Variants in DOK6 observed in about 807,000 individuals in gnomAD.
DOK6 encodes downstream of tyrosine kinase 6.
Under a neutral mutation model 44.0 loss-of-function variants are expected in DOK6, and 22 were observed. The ratio of observed to expected loss-of-function variants is 0.50; its 90% CI spans 0.36 to 0.71. The LOEUF (loss-of-function observed/expected upper bound fraction) is 0.71, where lower values mean the gene tolerates loss of function less well. Among genes scored for constraint, DOK6 ranks in the 30% least tolerant of loss-of-function variants. The pLI is 0.00. For synonymous variants in DOK6, 166 were observed against 145.5 expected (o/e 1.14, Z -1.01); for missense variants, 340 against 416.4 (o/e 0.82, Z 1.60).
At chr18:69,498,129 A>C (rs575873925) in intron 1 of DOK6, among the ~76,000 whole-genome samples, 2 of 152,320 alleles carry the variant, frequency 1.3e-5, no homozygotes, top group East Asian at 3.9e-4. Context: ...TAATCTTACT[A>C]TGTGCATAGG....
chr18:69,724,577 T>C (rs1978296917), intron 5 of DOK6, among the ~76,000 whole-genome samples: 1 of 152,236 alleles, frequency 6.6e-6, no homozygotes, highest in Non-Finnish European at 1.5e-5. Flanking sequence ...ACTTTCCTTA[T>C]GACATTTTTA....
At chr18:69,731,543 A>C (rs1413732974) in intron 5 of DOK6, among the ~76,000 whole-genome samples, 1 of 152,218 alleles carries the variant, frequency 6.6e-6, no homozygotes, top group Non-Finnish European at 1.5e-5. Context: ...TGGTCAGTTG[A>C]AATGCTGAAA....
intron 3 of DOK6, among the ~76,000 whole-genome samples, chr18:69,672,649 C>T (rs1985829837): frequency 1.4e-5 from 2 of 142,390 alleles, no homozygotes; most frequent in Admixed American, 7.6e-5. Flanking sequence ...TGAGCCACTG[C>T]GCCCGGCAGT....
intron 1 of DOK6, among the ~76,000 whole-genome samples, chr18:69,495,107 A>C (rs777352911): frequency 6.6e-6 from 1 of 152,200 alleles, no homozygotes; most frequent in Non-Finnish European, 1.5e-5. Context: ...TGCTCTCTGC[A>C]AGGCTGTGGC....
chr18:69,621,259 C>G (rs1335825100), intron 3 of DOK6, among the ~76,000 whole-genome samples: 1 of 152,060 alleles, frequency 6.6e-6, no homozygotes, highest in African/African-American at 2.4e-5. Flanking sequence ...TAAGGCTTTG[C>G]CTTGATATTT....
chr18:69,549,069 C>G (rs1278506284), intron 1 of DOK6, among the ~76,000 whole-genome samples: 1 of 144,720 alleles, frequency 6.9e-6, no homozygotes, highest in African/African-American at 2.5e-5. Flanking sequence ...GCACATCAGC[C>G]TGGGTGAAAG....
At chr18:69,729,802 C>T (rs956054412) in intron 5 of DOK6, among the ~76,000 whole-genome samples, 1 of 151,968 alleles carries the variant, frequency 6.6e-6, no homozygotes, top group African/African-American at 2.4e-5. Flanking sequence ...AGGAAGCAAA[C>T]AAATCAGATA....
At chr18:69,563,926 A>C (rs1181197177) in intron 1 of DOK6, among the ~76,000 whole-genome samples, 1 of 152,200 alleles carries the variant, frequency 6.6e-6, no homozygotes, top group Non-Finnish European at 1.5e-5. Context: ...TATGTATATA[A>C]ATTTTAATTT....
In DOK6 at chr18:69,447,243, G is replaced by T. The variant is rs1979322019; in HGVS notation, c.66+45933G>T. Reference sequence around the variant, plus strand: ...AATTAATTTTTGTATATGGTGTAAGGAAGGGATCCAATTTCAGCTTTCTAC... The same window carrying T: ...AATTAATTTTTGTATATGGTGTAAGTAAGGGATCCAATTTCAGCTTTCTAC... On this transcript the variant is annotated intron_variant, in intron 1 of 7. Coordinates refer to ENST00000382713, the MANE Select transcript of DOK6 (RefSeq NM_152721.6). 2.0e-5 allele frequency among the ~76,000 whole-genome samples: 3 copies of T among 152,156 alleles called. No individual in the cohort carries two copies. The South Asian group carries it at 6.2e-4, about 32-fold the overall frequency.
chr18:69,701,385 T>C (rs779746419), intron 5 of DOK6, among the ~76,000 whole-genome samples: 2 of 152,260 alleles, frequency 1.3e-5, no homozygotes, highest in Non-Finnish European at 2.9e-5. Flanking sequence ...CAATTTGCCA[T>C]GCAAGCATAT....
chr18:69,624,312 C>T (rs1038885778), intron 3 of DOK6, among the ~76,000 whole-genome samples: 4 of 152,002 alleles, frequency 2.6e-5, no homozygotes, highest in Admixed American at 6.6e-5. Flanking sequence ...TTCATCCTAT[C>T]GGTTAAAAAT....
At chr18:69,683,353 A>G (rs1406819698) in intron 4 of DOK6, among the ~76,000 whole-genome samples, 1 of 152,210 alleles carries the variant, frequency 6.6e-6, no homozygotes, top group Non-Finnish European at 1.5e-5. Context: ...CCAAGAAGAT[A>G]TGTTGAAATC....
rs1599356610 is a variant in DOK6, at chr18:69,844,253, C to T, written c.*2870C>T. ...ACTATGAACCAAAGATATCTTTTGG[C>T]TCCTTCTGAAAGTGACTCAGTTTGA... On this transcript the variant is annotated 3_prime_UTR_variant, in exon 8 of 8. Coordinates refer to ENST00000382713, the MANE Select transcript of DOK6 (RefSeq NM_152721.6). The T allele has an allele frequency of 6.6e-6, 1 of 152,124 alleles. No individual in the cohort carries two copies. Among genetic ancestry groups the T allele is most frequent in the Non-Finnish European group, 1.5e-5 (1 of 68,012 alleles). 9.4% of individuals were successfully genotyped at this position (152,124 alleles called of 1,614,324 possible).
At chr18:69,799,178 C>T (rs1374939269) in intron 7 of DOK6, among the ~76,000 whole-genome samples, 1 of 151,888 alleles carries the variant, frequency 6.6e-6, no homozygotes, top group African/African-American at 2.4e-5. Context: ...AAAATGGAGT[C>T]GTGAGCTAAA....
At chr18:69,414,214 G>A (rs2122395154) in intron 1 of DOK6, among the ~76,000 whole-genome samples, 1 of 152,090 alleles carries the variant, frequency 6.6e-6, no homozygotes. Flanking sequence ...GCAAAAATGA[G>A]ACCTGGCAAT....
intron 1 of DOK6, among the ~76,000 whole-genome samples, chr18:69,534,891 T>C (rs370696122): frequency 6.6e-6 from 1 of 152,142 alleles, no homozygotes; most frequent in East Asian, 1.9e-4. Flanking sequence ...ACTTTGATTT[T>C]ATAAAGACTT....
chr18:69,761,261 T>C (rs190231565), intron 7 of DOK6, among the ~76,000 whole-genome samples: 1 of 151,396 alleles, frequency 6.6e-6, no homozygotes, highest in Admixed American at 6.6e-5. Flanking sequence ...CCTGAAATCT[T>C]ACTGGGAAGC....
At chr18:69,562,625 C>T (rs1982864290) in intron 1 of DOK6, among the ~76,000 whole-genome samples, 2 of 152,240 alleles carry the variant, frequency 1.3e-5, no homozygotes, top group South Asian at 4.1e-4. Context: ...GGATCCCTTC[C>T]TTACACCTTA....
intron 3 of DOK6, among the ~76,000 whole-genome samples, chr18:69,634,712 C>A (rs977317597): frequency 3.3e-5 from 5 of 152,068 alleles, no homozygotes; most frequent in African/African-American, 1.2e-4. Flanking sequence ...CCTGAGAGAA[C>A]TTTCTAGATG....
Sources: allele counts gnomAD v4.1 joint callset (sites outside exome capture counted in the v4.1 genomes callset), GRCh38; gene constraint gnomAD v4.1.1; transcripts MANE v1.5; gene names NCBI Gene and HGNC (gene_info 2026-07-23, HGNC 2026-07-21).